Variants in TRIML2 observed in about 807,000 individuals in gnomAD.
TRIML2 encodes the protein probable E3 ubiquitin-protein ligase TRIML2.
Under a neutral mutation model 31.2 loss-of-function variants are expected in TRIML2, and 28 were observed. That is an observed-to-expected ratio of 0.90 (90% CI 0.66 to 1.23). The LOEUF is 1.23. TRIML2 is among the 50% of genes most tolerant of loss of function. The pLI, the probability that TRIML2 is intolerant of heterozygous loss-of-function variation, is 0.00. For missense variants in TRIML2, 536 were observed against 528.3 expected, an observed-to-expected ratio of 1.01 and a Z score of -0.14; for synonymous variants, 187 against 197.5, an observed-to-expected ratio of 0.95 and a Z score of 0.45.
chr4:188,096,711 C>T (rs1158848012), intron 7 of TRIML2, among the ~76,000 whole-genome samples: 1 of 151,488 alleles, frequency 6.6e-6, no homozygotes, highest in Non-Finnish European at 1.5e-5. Context: ...GGCTGGGGTG[C>T]AGTGGTGTGA....
intron 5 of TRIML2, chr4:188,098,302 A>C (rs533059524): frequency 5.1e-5 from 23 of 449,976 alleles, no homozygotes; most frequent in African/African-American, 4.2e-4. Context: ...GTGTCCGGTG[A>C]GGGCTCCATC....
intron 3 of TRIML2, among the ~76,000 whole-genome samples, chr4:188,102,269 G>GA (rs1733831062): frequency 6.6e-6 from 1 of 151,994 alleles, no homozygotes; most frequent in Non-Finnish European, 1.5e-5. Flanking sequence ...GAGTTGTGGG[G>GA]AAAAAAGGAG....
chr4:188,092,638 C>G (rs932649432), intron 7 of TRIML2: 1 of 360,782 alleles, frequency 2.8e-6, no homozygotes. Flanking sequence ...GTGGCCCTCC[C>G]GATGCCGTAC....
chr4:188,096,528 CAAAAAAAAAAAAAAAAAA>C (rs10607852), intron 7 of TRIML2, among the ~76,000 whole-genome samples: 1 of 39,268 alleles, frequency 2.5e-5, no homozygotes, highest in African/African-American at 9.7e-5. Flanking sequence ...AACTCTGTCT[CAAAAAAAAAAAAAAAAAA>C]AAAAAAAAAA....
rs1487508601 is a variant in TRIML2, at chr4:188,104,897, C to T, written c.225G>A (p.Glu75=). The T allele has an allele frequency of 6.2e-7, 1 of 1,614,028 alleles. No individual in the cohort carries two copies. The highest frequency in any genetic ancestry group is 8.5e-7 in the Non-Finnish European group (1 of 1,179,954). ...ATATGCTTTTAGCTGCTTCAAGTTTCTCCCTCGATGTGTTCAATATTTCCT... is the reference window on the plus strand; with the variant it reads ...ATATGCTTTTAGCTGCTTCAAGTTTTTCCCTCGATGTGTTCAATATTTCCT... ...LFQEILNTSR[E]KLEAAKSILT... Residue 75 remains glutamate, a synonymous_variant, in exon 3 of 8, where the codon GAG becomes GAA. Transcript: ENST00000682553.
chr4:188,098,287 A>T (rs1350025420), intron 5 of TRIML2: 1 of 453,628 alleles, frequency 2.2e-6, no homozygotes, highest in South Asian at 1.6e-5. Context: ...GCACTGGCAG[A>T]TTCAGTGTCC....
chr4:188,097,271 A>T, intron 6 of TRIML2, 53 bp downstream of exon 6: 1 of 1,606,826 alleles, frequency 6.2e-7, no homozygotes, highest in Non-Finnish European at 8.5e-7. Context: ...ATCTCAATCA[A>T]CATCTTACTG....
Position 188,101,229 on chromosome 4 carries a change from TTTTA to T in TRIML2, c.303_306del (p.Phe101LeufsTer3). ...ATACTATACTCAGACTCAATCATCT[TTTTA>T]AAATTTTGTTCCTCTTCCTTCCTCA... is the stretch of plus-strand genomic sequence containing the variant. On this transcript the variant is annotated frameshift_variant, in exon 4 of 8. Transcript: ENST00000682553. LOFTEE classifies it high-confidence loss of function. The T allele has an allele frequency of 1.2e-5, 20 of 1,611,194 alleles. No homozygotes were observed. Among genetic ancestry groups the T allele is most frequent in the Non-Finnish European group, 1.7e-5 (20 of 1,179,434 alleles).
intron 7 of TRIML2, among the ~76,000 whole-genome samples, chr4:188,094,584 A>G (rs1014245011): frequency 6.6e-6 from 1 of 152,242 alleles, no homozygotes; most frequent in African/African-American, 2.4e-5. Context: ...CTCCAAATAC[A>G]TATAACATTT....
At position 188,099,061 on chromosome 4, in the gene TRIML2, C is replaced by T. The variant is rs375283991; in HGVS notation, c.595G>A (p.Gly199Arg). The T allele has an allele frequency of 6.2e-7, 1 of 1,614,146 alleles. No homozygotes were observed. The highest frequency in any genetic ancestry group is 1.3e-5 in the African/African-American group (1 of 75,044). ...KLIVELEKKC[G>R]EGTLALLKNA... is the part of the protein sequence containing the mutation. Reference sequence around the variant, plus strand: ...TTGAGCAATGCCAAGGTGCCTTCCCCACACTTTTTCTCAAGCTCCACGATG... The same window carrying T: ...TTGAGCAATGCCAAGGTGCCTTCCCTACACTTTTTCTCAAGCTCCACGATG... Residue 199 changes from glycine (G) to arginine (R), a missense_variant, in exon 5 of 8, where the codon GGG becomes AGG. Coordinates refer to ENST00000682553, the MANE Select transcript of TRIML2 (RefSeq NM_173553.4).
At chr4:188,103,031 G>A (rs796105679) in intron 3 of TRIML2, among the ~76,000 whole-genome samples, 824 of 22,234 alleles carry the variant, frequency 0.037, 16 homozygotes, top group African/African-American at 0.1. Context: ...TTTTTTTTTT[G>A]AGACGGAGTC....
intron 4 of TRIML2, among the ~76,000 whole-genome samples, chr4:188,099,671 G>A (rs1733685962): frequency 6.6e-6 from 1 of 151,734 alleles, no homozygotes. Context: ...TTCTGCTGAA[G>A]CAGGATTCCT....
chr4:188,105,032 C>A, intron 2 of TRIML2, 100 bp from the exon 3 acceptor site: 6 of 1,408,142 alleles, frequency 4.3e-6, no homozygotes, highest in Non-Finnish European at 6.0e-6. Context: ...ATTTTCTTAG[C>A]CTTTAGGTTG....
rs1579185177 is a variant in TRIML2 at position 188,105,412 on chromosome 4, C to T, written c.-44G>A. The T allele has an allele frequency of 8.3e-6, 12 of 1,440,062 alleles. No homozygotes were observed. In the East Asian group the frequency reaches 2.7e-4, roughly 32 times the overall value. 89.2% of individuals were successfully genotyped at this position (1,440,062 alleles called of 1,614,324 possible). The stretch of plus-strand genomic sequence containing the variant: ...TTGAAGACTGGACTGTATGCTTCTA[C>T]TGAGGTATCTCCCTGCACTGTGAAT... On this transcript the variant is annotated 5_prime_UTR_variant, in exon 2 of 8. Transcript: ENST00000682553.
chr4:188,107,461 T>C (rs1339454367), intron 1 of TRIML2, among the ~76,000 whole-genome samples: 1 of 152,182 alleles, frequency 6.6e-6, no homozygotes, highest in African/African-American at 2.4e-5. Flanking sequence ...AAGTTGAGAA[T>C]CTTGGCCTGA....
intron 5 of TRIML2, 68 bp downstream of exon 5, chr4:188,098,967 G>A (rs774563933): frequency 8.9e-6 from 14 of 1,564,764 alleles, no homozygotes; most frequent in African/African-American, 1.4e-5. Context: ...AACCCCTAAT[G>A]AGTACTGTCC....
chr4:188,103,665 A>T (rs1213188999), intron 3 of TRIML2, among the ~76,000 whole-genome samples: 2 of 152,178 alleles, frequency 1.3e-5, no homozygotes, highest in African/African-American at 4.8e-5. Context: ...CTCACTTAAA[A>T]AAAATTTTTT....
At chr4:188,098,976 C>T in intron 5 of TRIML2, 59 bp downstream of exon 5, 1 of 1,580,508 alleles carries the variant, frequency 6.3e-7, no homozygotes, top group Non-Finnish European at 8.7e-7. Context: ...TGAGTACTGT[C>T]CACTTCTCAT....
chr4:188,103,841 A>C (rs1008877289), intron 3 of TRIML2, among the ~76,000 whole-genome samples: 17 of 152,300 alleles, frequency 1.1e-4, no homozygotes, highest in African/African-American at 4.1e-4. Flanking sequence ...TTTGCTGAAC[A>C]CATGGTACTT....
Sources: allele counts gnomAD v4.1 joint callset (sites outside exome capture counted in the v4.1 genomes callset), GRCh38; gene constraint gnomAD v4.1.1; transcripts MANE v1.5; gene names NCBI Gene and HGNC (gene_info 2026-07-23, HGNC 2026-07-21).